Variants in GLG1 observed in about 807,000 individuals in gnomAD.
GLG1 encodes the protein Golgi apparatus protein 1.
In GLG1, 38 loss-of-function variants were observed where a neutral mutation model predicts 160.5. The observed-to-expected ratio is 0.24, with a 90% confidence interval of 0.18 to 0.31. The LOEUF is 0.31. Ranked by LOEUF, GLG1 falls within the 10% of genes least tolerant of loss-of-function variation. GLG1 has a pLI of 1.00. For missense variants in GLG1, 1,373 were observed against 1,505.2 expected (o/e 0.91, Z 1.45); for synonymous variants, 644 against 543.4 (o/e 1.19, Z -2.57).
intron 1 of GLG1, among the ~76,000 whole-genome samples, chr16:74,571,452 C>G (rs73610521): frequency 9.1e-4 from 139 of 152,186 alleles, no homozygotes; most frequent in African/African-American, 3.2e-3. Flanking sequence ...GTGGGAAGAT[C>G]ACTTGAGCCC....
At chr16:74,542,706 A>G (rs1291509407) in intron 1 of GLG1, among the ~76,000 whole-genome samples, 1 of 40,516 alleles carries the variant, frequency 2.5e-5, no homozygotes. Context: ...GGGAGGGAGG[A>G]AGGGAAGAAG....
chr16:74,522,530 T>G (rs993987450), intron 2 of GLG1, among the ~76,000 whole-genome samples: 4 of 152,232 alleles, frequency 2.6e-5, no homozygotes, highest in African/African-American at 9.6e-5. Flanking sequence ...ACATGGCAGA[T>G]TAAGTATCTT....
rs753013769 is a variant in GLG1 at position 74,469,130 on chromosome 16, T to TG, written c.2319-68dup. The TG allele has an allele frequency of 2.5e-3, 2,456 of 989,838 alleles. 7 individuals carry two copies. The highest frequency in any genetic ancestry group is 3.0e-3 in the Non-Finnish European group (1,843 of 613,262). The allele number at this position is 989,838 out of a possible 1,614,324, so 61.3% of individuals were successfully genotyped here. On this transcript the variant is annotated intron_variant, in intron 16 of 25. Coordinates refer to ENST00000422840, the MANE Select transcript of GLG1 (RefSeq NM_001145667.2). Reference sequence around the variant, plus strand: ...GGGCAGATGGCCTGAGAGCTGGGCTTGGGGGGGGTCACACCATTAAGAATT... The same window carrying TG: ...GGGCAGATGGCCTGAGAGCTGGGCTTGGGGGGGGGTCACACCATTAAGAATT...
intron 23 of GLG1, among the ~76,000 whole-genome samples, chr16:74,459,308 C>T (rs2143157314): frequency 6.6e-6 from 1 of 152,256 alleles, no homozygotes; most frequent in Middle Eastern, 3.4e-3. Context: ...GAACCCCCGT[C>T]TCTACTAAAA....
In GLG1 at chr16:74,493,023, G is replaced by C; in HGVS notation, c.1168C>G (p.Leu390Val). Reference sequence around the variant, plus strand: ...AGCCTGGCTTCACGCGATCGCGGAAGGTTTTCCACATTGCACCGGTATTTC... The same window carrying C: ...AGCCTGGCTTCACGCGATCGCGGAACGTTTTCCACATTGCACCGGTATTTC... The part of the protein sequence containing the change: ...LKKYRCNVEN[L>V]PRSREARLSY... Residue 390 changes from leucine (L) to valine (V), a missense_variant, in exon 7 of 26, where the codon CTT becomes GTT. Leu to Val is a conservative substitution (Grantham distance 32, BLOSUM62 1). This residue lies in a region of GLG1 where 386 missense variants were observed against 388.5 expected (regional missense o/e 0.99). Transcript: ENST00000422840. The C allele has an allele frequency of 6.2e-7, 1 of 1,613,932 alleles. No individual in the cohort carries two copies. Among genetic ancestry groups the C allele is most frequent in the Non-Finnish European group, 8.5e-7 (1 of 1,179,846 alleles).
At chr16:74,582,232 T>A (rs1351107510) in intron 1 of GLG1, among the ~76,000 whole-genome samples, 6 of 152,110 alleles carry the variant, frequency 3.9e-5, no homozygotes, top group Non-Finnish European at 5.9e-5. Flanking sequence ...AATGGGGCAA[T>A]CTCAGCTCAC....
At chr16:74,549,245 G>A (rs2018133289) in intron 1 of GLG1, among the ~76,000 whole-genome samples, 1 of 151,872 alleles carries the variant, frequency 6.6e-6, no homozygotes, top group Non-Finnish European at 1.5e-5. Flanking sequence ...GTAAAGTAAT[G>A]TACTGTATTA....
chr16:74,541,378 T>C (rs1205981462), intron 1 of GLG1, among the ~76,000 whole-genome samples: 1 of 145,840 alleles, frequency 6.9e-6, no homozygotes, highest in Non-Finnish European at 1.5e-5. Flanking sequence ...ATTTTTCACA[T>C]CTCATAAAAG....
intron 1 of GLG1, among the ~76,000 whole-genome samples, chr16:74,556,547 G>A (rs1279834889): frequency 6.6e-6 from 1 of 151,994 alleles, no homozygotes; most frequent in African/African-American, 2.4e-5. Context: ...AGCTGGGCGT[G>A]GTGGTTCATG....
intron 2 of GLG1, among the ~76,000 whole-genome samples, chr16:74,524,296 C>A (rs2017267742): frequency 1.3e-5 from 2 of 152,178 alleles, no homozygotes; most frequent in Non-Finnish European, 1.5e-5. Flanking sequence ...CCTTACTGCA[C>A]TGGCTAGGAC....
chr16:74,472,011 C>G (rs1415143474), intron 14 of GLG1, among the ~76,000 whole-genome samples: 1 of 152,070 alleles, frequency 6.6e-6, no homozygotes, highest in Non-Finnish European at 1.5e-5. Flanking sequence ...CTCAAGTGAT[C>G]CTCCCACCTC....
intron 1 of GLG1, among the ~76,000 whole-genome samples, chr16:74,604,790 C>A (rs1403515351): frequency 6.6e-6 from 1 of 152,200 alleles, no homozygotes; most frequent in Non-Finnish European, 1.5e-5. Context: ...GTGGCTCACA[C>A]CACTAATCTC....
At chr16:74,560,946 G>C (rs1439953018) in intron 1 of GLG1, among the ~76,000 whole-genome samples, 1 of 121,652 alleles carries the variant, frequency 8.2e-6, no homozygotes, top group Non-Finnish European at 1.7e-5. Context: ...AAAAATATGT[G>C]TTTGCTGAGA....
At chr16:74,468,899 G>T in intron 17 of GLG1, 47 bp downstream of exon 17, 1 of 1,181,682 alleles carries the variant, frequency 8.5e-7, no homozygotes, top group Non-Finnish European at 1.3e-6. Context: ...AGCTTTCCAA[G>T]CCCTGGCCCA....
chr16:74,537,725 CTTACTGAAT>C (rs1279835484), intron 1 of GLG1, among the ~76,000 whole-genome samples: 2 of 145,274 alleles, frequency 1.4e-5, no homozygotes, highest in African/African-American at 5.1e-5. Flanking sequence ...TAAAAATGTA[CTTACTGAAT>C]TTCAAGTTTT....
intron 1 of GLG1, among the ~76,000 whole-genome samples, chr16:74,602,988 G>C (rs1958477680): frequency 1.3e-5 from 2 of 151,956 alleles, no homozygotes; most frequent in Middle Eastern, 3.4e-3. Context: ...TGATGAAGAG[G>C]CTGAGACAGG....
Position 74,515,668 on chromosome 16 carries a change from G to A in GLG1, c.472-6743C>T, listed in dbSNP as rs930491964. 1.1e-4 allele frequency among the ~76,000 whole-genome samples: 16 copies of A among 151,602 alleles called. 1 individual carries two copies. Among genetic ancestry groups the A allele is most frequent in the African/African-American group, 1.7e-4 (7 of 40,942 alleles). On this transcript the variant is annotated intron_variant, in intron 2 of 25. Coordinates refer to ENST00000422840, the MANE Select transcript of GLG1 (RefSeq NM_001145667.2). ...GTATACATATGTAACTAACCTACAC[G>A]TTGTGTACATGTACCCTAAAACTTA...
intron 1 of GLG1, among the ~76,000 whole-genome samples, chr16:74,551,384 C>T (rs1453416906): frequency 4.6e-5 from 7 of 151,792 alleles, no homozygotes; most frequent in Non-Finnish European, 2.9e-5. Context: ...AACCTTAGCC[C>T]CAACCCCCAC....
Position 74,452,153 on chromosome 16 carries a change from G to A in GLG1, c.*1014C>T, listed in dbSNP as rs759527869. On this transcript the variant is annotated 3_prime_UTR_variant, in exon 26 of 26. Coordinates refer to ENST00000422840, the MANE Select transcript of GLG1 (RefSeq NM_001145667.2). ...TAGCCTGAAAAATAAAGCAAAGTGA[G>A]TCAAACCTCTGGCTCCCACTTCCTG... The A allele has an allele frequency of 1.9e-6, 3 of 1,613,112 alleles. No homozygotes were observed. Among genetic ancestry groups the A allele is most frequent in the Non-Finnish European group, 2.5e-6 (3 of 1,179,474 alleles).
Sources: gnomAD v4.1 joint callset for allele counts (sites outside exome capture counted in the v4.1 genomes callset) on GRCh38, gnomAD v4.1.1 for gene constraint, gnomAD v4.1.1 regional missense constraint, MANE v1.5 for transcripts, NCBI Gene and HGNC (gene_info 2026-07-23, HGNC 2026-07-21) for gene names.